KLHL26: variants seen among roughly 807,000 people sequenced by gnomAD.
The protein encoded by KLHL26 is kelch like family member 26.
KLHL26 carries 4 observed loss-of-function variants against 7.1 expected under a neutral mutation model. The ratio of observed to expected loss-of-function variants is 0.56; its 90% CI spans 0.28 to 1.28. KLHL26 has a LOEUF of 1.28. Among genes scored for constraint, KLHL26 ranks in the 50% most tolerant of loss-of-function variants. KLHL26 has a pLI of 0.11. For synonymous variants in KLHL26, 465 were observed against 414.1 expected (o/e 1.12, Z -1.49); for missense variants, 896 against 924.6 (o/e 0.97, Z 0.40).
rs760198759 is a variant in KLHL26, at chr19:18,667,757, C to T, written c.360C>T (p.Phe120=). The change falls in exon 3 of 3, where the codon TTC becomes TTT. Residue 120 remains phenylalanine (F), a synonymous_variant. Transcript: ENST00000300976. ...SARGLRHIID[F]AYSAEVTLDL... is the part of the protein sequence containing the mutation. ...GTGGCCTGCGGCACATCATCGACTT[C>T]GCCTACAGCGCCGAGGTGACACTGG... 2.4e-5 allele frequency: 38 copies of T among 1,613,178 alleles called. No homozygotes were observed. The highest frequency in any genetic ancestry group is 4.4e-5 in the South Asian group (4 of 91,088).
chr19:18,664,655 C>T (rs2052428620), intron 2 of KLHL26, among the ~76,000 whole-genome samples: 1 of 151,910 alleles, frequency 6.6e-6, no homozygotes, highest in Non-Finnish European at 1.5e-5. Flanking sequence ...AATCTCGGCT[C>T]ACTGCAACCT....
intron 1 of KLHL26, among the ~76,000 whole-genome samples, chr19:18,655,193 G>A (rs1314478967): frequency 6.6e-6 from 1 of 152,250 alleles, no homozygotes; most frequent in African/African-American, 2.4e-5. Context: ...TTGCAGGGCG[G>A]CTGGAGGACT....
intron 1 of KLHL26, among the ~76,000 whole-genome samples, chr19:18,663,633 T>C (rs2052413728): frequency 1.3e-5 from 2 of 152,170 alleles, no homozygotes; most frequent in South Asian, 4.1e-4. Context: ...TAGAGGGGAC[T>C]GATCCTGGAG....
At chr19:18,641,089 G>T (rs771303299) in intron 1 of KLHL26, among the ~76,000 whole-genome samples, 1 of 152,030 alleles carries the variant, frequency 6.6e-6, no homozygotes, top group African/African-American at 2.4e-5. Flanking sequence ...TGCGATCCTA[G>T]CTCACTGCAC....
At chr19:18,664,586 C>CTTTT in intron 2 of KLHL26, 143 bp downstream of exon 2, 2 of 468,574 alleles carry the variant, frequency 4.3e-6, no homozygotes, top group South Asian at 3.8e-5. Context: ...ACCGGCTGCT[C>CTTTT]TTTTTTTTTT....
At chr19:18,647,331 G>T (rs1256639997) in intron 1 of KLHL26, among the ~76,000 whole-genome samples, 1 of 152,184 alleles carries the variant, frequency 6.6e-6, no homozygotes, top group Non-Finnish European at 1.5e-5. Context: ...TCTCCAGGGA[G>T]CCCCTGCGAA....
intron 1 of KLHL26, among the ~76,000 whole-genome samples, chr19:18,660,762 G>C (rs1422919883): frequency 6.6e-6 from 1 of 152,216 alleles, no homozygotes; most frequent in Non-Finnish European, 1.5e-5. Context: ...GGCTTCACAG[G>C]GGCGGCAGTG....
chr19:18,638,941 C>A (rs2145365971), intron 1 of KLHL26, among the ~76,000 whole-genome samples: 2 of 152,262 alleles, frequency 1.3e-5, no homozygotes, highest in South Asian at 4.1e-4. Flanking sequence ...CTCAAGCAAT[C>A]TTCTTGCCTC....
rs201092674 is a variant in KLHL26, at chr19:18,664,257, G to T, written c.84-4G>T. 1 of 1,590,916 alleles carries T rather than the reference G, an allele frequency of 6.3e-7. No individual in the cohort carries two copies. On this transcript the variant is annotated splice_region_variant and splice_polypyrimidine_tract_variant and intron_variant, in intron 1 of 2. Coordinates refer to ENST00000300976, the MANE Select transcript of KLHL26 (RefSeq NM_018316.3). ...CCATGTCCCCACCTCTGCTTTCCCC[G>T]CAGCACGGCCGACAAGAACGGGGCC... is the stretch of plus-strand genomic sequence containing the variant.
intron 1 of KLHL26, among the ~76,000 whole-genome samples, chr19:18,642,506 G>C (rs150334412): frequency 7.0e-6 from 1 of 142,862 alleles, no homozygotes; most frequent in Admixed American, 7.0e-5. Context: ...CTGGGATTAC[G>C]GGCGCCTGCC....
At chr19:18,639,270 G>A (rs540215865) in intron 1 of KLHL26, among the ~76,000 whole-genome samples, 3 of 151,756 alleles carry the variant, frequency 2.0e-5, no homozygotes, top group African/African-American at 4.8e-5. Context: ...TAGAGACAGG[G>A]TTTCACTGTT....
intron 1 of KLHL26, among the ~76,000 whole-genome samples, chr19:18,643,166 C>T (rs568391076): frequency 9.6e-4 from 143 of 149,736 alleles, no homozygotes; most frequent in Non-Finnish European, 1.9e-3. Context: ...TGTTTTGGGC[C>T]GGGCGCGGTG....
In KLHL26 at chr19:18,650,612, A is replaced by G. The variant is rs1057157811; in HGVS notation, c.83+13475A>G. On this transcript the variant is annotated intron_variant, in intron 1 of 2. Transcript: ENST00000300976. The surrounding 1 kb of genome is among the most constrained non-coding windows in gnomAD (Gnocchi z 4.2). ...AGGAGCGCACAAATGTTTATACTCC[A>G]CGTGAGTCACTTGCACAGATGACGG... is the stretch of plus-strand genomic sequence containing the variant. Among the ~76,000 whole-genome samples the G allele has an allele frequency of 2.0e-4, 31 of 152,110 alleles. No homozygotes were observed. Among genetic ancestry groups the G allele is most frequent in the African/African-American group, 7.5e-4 (31 of 41,408 alleles).
chr19:18,659,861 C>T (rs2052374465), intron 1 of KLHL26: 1 of 152,432 alleles, frequency 6.6e-6, no homozygotes, highest in African/African-American at 2.4e-5. Flanking sequence ...AGGCTTCATC[C>T]CTAGGGTGCC....
intron 1 of KLHL26, among the ~76,000 whole-genome samples, chr19:18,653,421 T>G (rs973888468): frequency 1.5e-5 from 1 of 66,326 alleles, no homozygotes; most frequent in African/African-American, 6.0e-5. Context: ...TCCACCCATC[T>G]TTTCATCAGT....
chr19:18,668,364 G>A lies in KLHL26; in HGVS notation c.967G>A (p.Asp323Asn), dbSNP rs1374987316. ...CGGCGGCACGCCCTACACCGACAGC[G>A]ACCGCTCGGTCAGCAGCAAGGTCTA... ...TFGGTPYTDS[D>N]RSVSSKVYQL... Residue 323 changes from aspartate (D) to asparagine (N), a missense_variant, in exon 3 of 3, where the codon GAC becomes AAC. Asp to Asn is a conservative substitution (Grantham distance 23). Transcript: ENST00000300976. The A allele has an allele frequency of 1.9e-6, 3 of 1,607,634 alleles. No homozygotes were observed. Among genetic ancestry groups the A allele is most frequent in the Admixed American group, 1.7e-5 (1 of 59,922 alleles).
rs551008289 is a variant in KLHL26, at chr19:18,664,414, C to T, written c.237C>T (p.Val79=). The change falls in exon 2 of 3, where the codon GTC becomes GTT. Residue 79 remains valine, a synonymous_variant. Transcript: ENST00000300976. ...INREAFPAHK[V]VLAACSDYFR... ...GAGAGGCCTTTCCTGCACACAAGGT[C>T]GTCCTGGCTGCCTGCAGCGACTACT... 46 of 1,595,724 alleles carry T rather than the reference C, an allele frequency of 2.9e-5. No individual in the cohort carries two copies. In the South Asian group the frequency reaches 3.1e-4, roughly 11 times the overall value.
chr19:18,668,704 G>C lies in KLHL26; in HGVS notation c.1307G>C (p.Arg436Pro). ...SLASVERYCP[R>P]RNEWGYACSL... ...GCCTCCGTGGAGCGGTACTGCCCCCGGCGCAATGAGTGGGGCTACGCCTGC... is the reference window on the plus strand; with the variant it reads ...GCCTCCGTGGAGCGGTACTGCCCCCCGCGCAATGAGTGGGGCTACGCCTGC... Residue 436 changes from arginine (R) to proline (P), a missense_variant, in exon 3 of 3, where the codon CGG becomes CCG. Arg to Pro is a moderately radical substitution (Grantham distance 103, BLOSUM62 -2). Transcript: ENST00000300976. 1.9e-6 allele frequency: 3 copies of C among 1,571,954 alleles called. No homozygotes were observed. Among genetic ancestry groups the C allele is most frequent in the South Asian group, 1.1e-5 (1 of 87,712 alleles).
At chr19:18,639,180 A>T (rs1040009897) in intron 1 of KLHL26, among the ~76,000 whole-genome samples, 3 of 151,150 alleles carry the variant, frequency 2.0e-5, no homozygotes, top group East Asian at 1.9e-4. Flanking sequence ...GGTTCAAGGG[A>T]TTTTCCTGCC....
Sources: allele counts gnomAD v4.1 joint callset (sites outside exome capture counted in the v4.1 genomes callset), GRCh38; gene constraint gnomAD v4.1.1; non-coding constraint Gnocchi (gnomAD v3.1); transcripts MANE v1.5; gene names NCBI Gene and HGNC (gene_info 2026-07-23, HGNC 2026-07-21).